The following PDE2A variants were observed in gnomAD, a reference collection of about 807,000 sequenced individuals.
PDE2A encodes cGMP-dependent 3',5'-cyclic phosphodiesterase.
PDE2A carries 53 observed loss-of-function variants against 133.6 expected under a neutral mutation model. The observed-to-expected ratio is 0.40, with a 90% confidence interval of 0.32 to 0.50. The LOEUF (loss-of-function observed/expected upper bound fraction) is 0.50. Among genes scored for constraint, PDE2A ranks in the 20% least tolerant of loss-of-function variants. The pLI, the probability that PDE2A is intolerant of heterozygous loss-of-function variation, is 0.73. For missense variants in PDE2A, 796 were observed against 1,232.4 expected (o/e 0.65, Z 5.30); for synonymous variants, 491 against 490.2 (o/e 1.00, Z -0.02).
chr11:72,673,666 C>T, intron 1 of PDE2A, among the ~76,000 whole-genome samples: 1 of 152,054 alleles, frequency 6.6e-6, no homozygotes, highest in East Asian at 1.9e-4. Flanking sequence ...TCCAGGGCCA[C>T]TCTTATTCAT....
chr11:72,617,161 G>C (rs1857515886), intron 2 of PDE2A, among the ~76,000 whole-genome samples: 1 of 152,240 alleles, frequency 6.6e-6, no homozygotes, highest in African/African-American at 2.4e-5. Context: ...GGGTAAGGCT[G>C]AGTATCTGCC....
intron 2 of PDE2A, among the ~76,000 whole-genome samples, chr11:72,617,555 T>A (rs1414989725): frequency 1.3e-5 from 2 of 152,206 alleles, no homozygotes; most frequent in Non-Finnish European, 1.5e-5. Context: ...GTCCTATGAC[T>A]GTATTTGGCT....
intron 2 of PDE2A, 100 bp from the exon 3 acceptor site, chr11:72,608,851 A>G: frequency 1.5e-6 from 1 of 677,376 alleles, no homozygotes; most frequent in Non-Finnish European, 2.7e-6. Flanking sequence ...CTTAGTCCAG[A>G]GCCCGAGTCT....
chr11:72,671,880 C>G (rs1025605995), intron 1 of PDE2A, among the ~76,000 whole-genome samples: 1 of 152,158 alleles, frequency 6.6e-6, no homozygotes. Flanking sequence ...CTCCCACTAC[C>G]TCAGCCCACC....
intron 2 of PDE2A, among the ~76,000 whole-genome samples, chr11:72,634,966 T>C (rs532171263): frequency 3.7e-4 from 56 of 152,302 alleles, no homozygotes; most frequent in South Asian, 1.4e-3. Flanking sequence ...AGTATTCATG[T>C]CCTGTTTTCC....
chr11:72,658,739 T>C (rs866005991), intron 1 of PDE2A, among the ~76,000 whole-genome samples: 3 of 152,220 alleles, frequency 2.0e-5, no homozygotes, highest in East Asian at 1.9e-4. Flanking sequence ...AAGCATTTAC[T>C]GAACACCTAC....
At chr11:72,673,992 G>A (rs1371254222) in intron 1 of PDE2A, 145 bp downstream of exon 1, 19 of 761,310 alleles carry the variant, frequency 2.5e-5, no homozygotes, top group South Asian at 3.7e-5. Context: ...CTGGCAACGC[G>A]GGGAGGAGGG....
chr11:72,596,722 G>C (rs148193082), intron 5 of PDE2A, 74 bp from the exon 6 acceptor site: 21 of 952,664 alleles, frequency 2.2e-5, no homozygotes, highest in East Asian at 3.0e-5. Context: ...GGACCCAGGT[G>C]GGGGAGACAA....
At chr11:72,626,696 C>T (rs11822008) in intron 2 of PDE2A, among the ~76,000 whole-genome samples, 8,448 of 152,252 alleles carry the variant, frequency 0.055, 799 homozygotes, top group African/African-American at 0.19. Flanking sequence ...CCACCTGCAG[C>T]GGCAATGGCA....
At chr11:72,634,074 G>A (rs1279538710) in intron 2 of PDE2A, among the ~76,000 whole-genome samples, 1 of 152,178 alleles carries the variant, frequency 6.6e-6, no homozygotes, top group Non-Finnish European at 1.5e-5. Context: ...AACTTTCACT[G>A]GAGAGAGGCT....
In PDE2A at chr11:72,584,319, G is replaced by T; in HGVS notation, c.1538-6C>A. The T allele has an allele frequency of 6.3e-7, 1 of 1,575,478 alleles. No homozygotes were observed. The highest frequency in any genetic ancestry group is 8.7e-7 in the Non-Finnish European group (1 of 1,144,998). ...CTCGGCCACACCGATGACCTCTGGG[G>T]AAGGGAGAGGGGCAAGGAACCACCG... On this transcript the variant is annotated splice_polypyrimidine_tract_variant and splice_region_variant and intron_variant, in intron 18 of 30. Transcript: ENST00000334456.
At chr11:72,577,835 G>A (rs1463678690) in intron 30 of PDE2A, among the ~76,000 whole-genome samples, 20 of 152,202 alleles carry the variant, frequency 1.3e-4, no homozygotes, top group Admixed American at 1.3e-3. Flanking sequence ...AGCTGGGCGT[G>A]GTGGTGCATG....
intron 11 of PDE2A, 50 bp from the exon 12 acceptor site, chr11:72,589,290 G>A (rs200614575): frequency 2.1e-6 from 3 of 1,416,746 alleles, no homozygotes; most frequent in South Asian, 2.3e-5. Context: ...CCCAGGTCAG[G>A]GGATCTCAAC....
intron 2 of PDE2A, among the ~76,000 whole-genome samples, chr11:72,633,039 C>T (rs1719569496): frequency 6.6e-6 from 1 of 152,254 alleles, no homozygotes; most frequent in African/African-American, 2.4e-5. Context: ...GCTCACCCCT[C>T]CTGGACACTG....
intron 1 of PDE2A, among the ~76,000 whole-genome samples, chr11:72,650,028 T>G (rs1854683024): frequency 6.6e-6 from 1 of 151,266 alleles, no homozygotes; most frequent in Non-Finnish European, 1.5e-5. Context: ...ACTTTTTTTT[T>G]TTTTTTTTTT....
Position 72,577,277 on chromosome 11 carries a change from G to A in PDE2A, c.*107C>T, listed in dbSNP as rs1431320209. 1 of 763,714 alleles carries A rather than the reference G, an allele frequency of 1.3e-6. No homozygotes were observed. The highest frequency in any genetic ancestry group is 2.1e-6 in the Non-Finnish European group (1 of 467,012). The allele number at this position is 763,714 out of a possible 1,614,324, so 47.3% of individuals were successfully genotyped here. ...GTACTTGTCCAGGGTCACACAGGAA[G>A]TCCTGGTCTAGGACCCAGGACCCGT... On this transcript the variant is annotated 3_prime_UTR_variant, in exon 31 of 31. Coordinates refer to ENST00000334456, the MANE Select transcript of PDE2A (RefSeq NM_002599.5).
chr11:72,670,782 T>G (rs1393234659), intron 1 of PDE2A, among the ~76,000 whole-genome samples: 6 of 152,080 alleles, frequency 3.9e-5, no homozygotes, highest in Non-Finnish European at 8.8e-5. Context: ...AAGGCCAGGC[T>G]GGGTAGCCTG....
rs747196744 is a variant in PDE2A, at chr11:72,597,398, G to A, written c.433+112C>T. ...GGACTGCTAGAGACACAGAGCAAGA[G>A]AAAGAAGGAGACAGAGATGAAGAGG... is the stretch of plus-strand genomic sequence containing the variant. On this transcript the variant is annotated intron_variant, in intron 5 of 30. Transcript: ENST00000334456. This position sits in a 1 kb window ranked among gnomAD's most constrained non-coding sequence, Gnocchi z 4.6. 1.6e-6 allele frequency: 1 copy of A among 640,600 alleles called. No homozygotes were observed. Among genetic ancestry groups the A allele is most frequent in the Non-Finnish European group, 2.8e-6 (1 of 359,696 alleles). The allele number at this position is 640,600 out of a possible 1,614,324, so 39.7% of individuals were successfully genotyped here. A position where few individuals can be genotyped will look rare whatever the true frequency, so the allele number is the denominator to read the frequency against.
chr11:72,584,824 GACTCCCGGACA>G (rs774056137), intron 17 of PDE2A, 37 bp downstream of exon 17: 4 of 1,609,616 alleles, frequency 2.5e-6, no homozygotes, highest in Non-Finnish European at 3.4e-6. Flanking sequence ...GCCGCCGGCG[GACTCCCGGACA>G]CCCCTAGGGC....
Sources: gnomAD v4.1 joint callset for allele counts (sites outside exome capture counted in the v4.1 genomes callset) on GRCh38, gnomAD v4.1.1 for gene constraint, Gnocchi (gnomAD v3.1) non-coding constraint, MANE v1.5 for transcripts, NCBI Gene and HGNC (gene_info 2026-07-23, HGNC 2026-07-21) for gene names.